The following TMEM132D variants were observed in gnomAD, a reference collection of about 807,000 sequenced individuals.
The protein encoded by TMEM132D is transmembrane protein 132D, also known as mature OL transmembrane protein.
TMEM132D carries 21 observed loss-of-function variants against 62.3 expected under a neutral mutation model. That is an observed-to-expected ratio of 0.34 (90% CI 0.24 to 0.49). The LOEUF is 0.49. Ranked by LOEUF, TMEM132D falls within the 20% of genes least tolerant of loss-of-function variation. The pLI is 0.99. For missense variants in TMEM132D, 1,346 were observed against 1,402.8 expected, an observed-to-expected ratio of 0.96 and a Z score of 0.65; for synonymous variants, 621 against 575.6, an observed-to-expected ratio of 1.08 and a Z score of -1.13.
chr12:129,282,882 T>C (rs1881193988), intron 4 of TMEM132D, among the ~76,000 whole-genome samples: 1 of 152,170 alleles, frequency 6.6e-6, no homozygotes, highest in South Asian at 2.1e-4. Context: ...TTCTCACTCG[T>C]GGGGCCAGAT....
chr12:129,874,115 G>A (rs901875283), intron 1 of TMEM132D, among the ~76,000 whole-genome samples: 2 of 152,166 alleles, frequency 1.3e-5, no homozygotes, highest in African/African-American at 2.4e-5. Flanking sequence ...TAATGAGGCC[G>A]TATTGTGGAC....
chr12:129,101,104 G>A (rs1875291896), intron 5 of TMEM132D, among the ~76,000 whole-genome samples: 1 of 151,868 alleles, frequency 6.6e-6, no homozygotes, highest in South Asian at 2.1e-4. Context: ...TTGAAGCTCT[G>A]TGGCACCAGT....
intron 3 of TMEM132D, among the ~76,000 whole-genome samples, chr12:129,498,751 G>A (rs1390228850): frequency 6.6e-6 from 1 of 152,132 alleles, no homozygotes; most frequent in African/African-American, 2.4e-5. Flanking sequence ...ATCAGTTAAG[G>A]TTCTTTGGTT....
intron 3 of TMEM132D, among the ~76,000 whole-genome samples, chr12:129,342,013 C>T (rs1407016336): frequency 6.6e-6 from 1 of 152,138 alleles, no homozygotes; most frequent in African/African-American, 2.4e-5. Context: ...AGGTCATTTA[C>T]AGATTCAATG....
At chr12:129,901,870 GCC>G (rs34571915) in intron 1 of TMEM132D, among the ~76,000 whole-genome samples, 5 of 92,362 alleles carry the variant, frequency 5.4e-5, no homozygotes, top group Admixed American at 2.3e-4. Context: ...AACCCCCCCC[GCC>G]CCAAAAAAAA....
At chr12:129,367,108 G>A (rs1593353205) in intron 3 of TMEM132D, among the ~76,000 whole-genome samples, 2 of 152,344 alleles carry the variant, frequency 1.3e-5, no homozygotes, top group African/African-American at 4.8e-5. Context: ...TTTGACGGAT[G>A]CGACTAGCAA....
rs367882909 is a variant in TMEM132D, at chr12:129,697,278, A to G, written c.968+2532T>C. 3.0e-4 allele frequency among the ~76,000 whole-genome samples: 45 copies of G among 152,362 alleles called. 2 individuals are homozygous for G. The East Asian group carries it at 6.7e-3, about 23-fold the overall frequency. Reference sequence around the variant, plus strand: ...TATAGCAGATGGCCAGAGAGAACAGACGCACACCAATTCTAAATATTTGGA... The same window carrying G: ...TATAGCAGATGGCCAGAGAGAACAGGCGCACACCAATTCTAAATATTTGGA... On this transcript the variant is annotated intron_variant, in intron 2 of 8. Transcript: ENST00000422113.
chr12:129,782,068 G>A (rs2137291667), intron 1 of TMEM132D, among the ~76,000 whole-genome samples: 1 of 152,290 alleles, frequency 6.6e-6, no homozygotes, highest in East Asian at 1.9e-4. Context: ...ATAGACATGT[G>A]AAAACATATA....
intron 3 of TMEM132D, among the ~76,000 whole-genome samples, chr12:129,517,109 A>G (rs954326736): frequency 1.3e-5 from 2 of 152,074 alleles, no homozygotes; most frequent in African/African-American, 4.8e-5. Flanking sequence ...TATATTGACA[A>G]GCTATAGATC....
At chr12:129,868,175 C>A (rs1193726149) in intron 1 of TMEM132D, among the ~76,000 whole-genome samples, 1 of 151,360 alleles carries the variant, frequency 6.6e-6, no homozygotes, top group Non-Finnish European at 1.5e-5. Flanking sequence ...TTCCATGGTA[C>A]ACACACGAGA....
chr12:129,253,157 G>A (rs1180245546), intron 4 of TMEM132D, among the ~76,000 whole-genome samples: 1 of 150,854 alleles, frequency 6.6e-6, no homozygotes, highest in African/African-American at 2.4e-5. Context: ...AAACCTGCAT[G>A]TTGTGCACAT....
chr12:129,530,323 T>G (rs1023498215), intron 3 of TMEM132D, among the ~76,000 whole-genome samples: 1 of 151,552 alleles, frequency 6.6e-6, no homozygotes, highest in Middle Eastern at 3.4e-3. Context: ...CTTTCATTAT[T>G]GTTGAAATTT....
chr12:129,281,491 GT>G, intron 4 of TMEM132D, among the ~76,000 whole-genome samples: 1 of 151,800 alleles, frequency 6.6e-6, no homozygotes, highest in South Asian at 2.1e-4. Context: ...GCTGCTTGTG[GT>G]TATGTCTTGA....
chr12:129,252,593 G>A (rs1880297746), intron 4 of TMEM132D, among the ~76,000 whole-genome samples: 1 of 152,138 alleles, frequency 6.6e-6, no homozygotes, highest in Non-Finnish European at 1.5e-5. Flanking sequence ...ACTGTTGGTG[G>A]GACTGTAAAC....
chr12:129,320,052 G>C (rs1868632757), intron 4 of TMEM132D, among the ~76,000 whole-genome samples: 1 of 152,160 alleles, frequency 6.6e-6, no homozygotes, highest in Admixed American at 6.5e-5. Flanking sequence ...GCTGTGAAAA[G>C]GACAGAGAGA....
intron 1 of TMEM132D, among the ~76,000 whole-genome samples, chr12:129,746,194 TAA>T (rs1869771977): frequency 6.6e-6 from 1 of 152,170 alleles, no homozygotes; most frequent in African/African-American, 2.4e-5. Flanking sequence ...GGGAGCACAG[TAA>T]GAGAATTGGC....
intron 1 of TMEM132D, among the ~76,000 whole-genome samples, chr12:129,895,991 G>C (rs753015409): frequency 1.6e-3 from 225 of 139,562 alleles, no homozygotes; most frequent in Non-Finnish European, 2.9e-3. Context: ...TTTGTTTGGA[G>C]ACAGGGTCTC....
At chr12:129,884,473 C>G (rs1196278129) in intron 1 of TMEM132D, among the ~76,000 whole-genome samples, 1 of 152,040 alleles carries the variant, frequency 6.6e-6, no homozygotes, top group East Asian at 1.9e-4. Context: ...GATATTTTAC[C>G]CAAAAACATC....
intron 1 of TMEM132D, among the ~76,000 whole-genome samples, chr12:129,799,314 T>TAC (rs140530724): frequency 6.6e-6 from 1 of 151,788 alleles, no homozygotes; most frequent in African/African-American, 2.4e-5. Flanking sequence ...AATATATATA[T>TAC]ACACACACAT....
Sources: allele counts gnomAD v4.1 joint callset (sites outside exome capture counted in the v4.1 genomes callset), GRCh38; gene constraint gnomAD v4.1.1; transcripts MANE v1.5; gene names NCBI Gene and HGNC (gene_info 2026-07-23, HGNC 2026-07-21).